ALDH1A2: variants seen among roughly 807,000 people sequenced by gnomAD.
The protein encoded by ALDH1A2 is retinal dehydrogenase 2.
In ALDH1A2, 27 loss-of-function variants were observed where a neutral mutation model predicts 60.3. That is an observed-to-expected ratio of 0.45 (90% CI 0.33 to 0.62). The LOEUF is 0.62. Ranked by LOEUF, ALDH1A2 falls within the 20% of genes least tolerant of loss-of-function variation. The pLI, the probability that ALDH1A2 is intolerant of heterozygous loss-of-function variation, is 0.02. For missense variants in ALDH1A2, 581 were observed against 643.8 expected (o/e 0.90, Z 1.06); for synonymous variants, 289 against 232.4 (o/e 1.24, Z -2.21).
chr15:57,960,525 C>T (rs1893683817), intron 12 of ALDH1A2, among the ~76,000 whole-genome samples: 1 of 152,194 alleles, frequency 6.6e-6, no homozygotes, highest in African/African-American at 2.4e-5. Context: ...TACTTCTAAT[C>T]ATAGCCTTTA....
At chr15:57,978,632 G>A (rs1278438145) in intron 7 of ALDH1A2, among the ~76,000 whole-genome samples, 1 of 152,150 alleles carries the variant, frequency 6.6e-6, no homozygotes, top group Admixed American at 6.5e-5. Flanking sequence ...CATGGAGCAG[G>A]GCCCCTGGGT....
At chr15:57,980,396 TG>T in intron 7 of ALDH1A2, 2 of 369,604 alleles carry the variant, frequency 5.4e-6, no homozygotes, top group South Asian at 2.6e-5. Flanking sequence ...GTTTTCCAGC[TG>T]GTGCCACTTC....
At chr15:58,032,872 G>A (rs1896280245) in intron 1 of ALDH1A2, among the ~76,000 whole-genome samples, 1 of 151,938 alleles carries the variant, frequency 6.6e-6, no homozygotes, top group African/African-American at 2.4e-5. Flanking sequence ...CATGTCATTT[G>A]CAGCAACGTA....
At chr15:58,006,394 C>A (rs184323453) in intron 4 of ALDH1A2, among the ~76,000 whole-genome samples, 1 of 151,948 alleles carries the variant, frequency 6.6e-6, no homozygotes, top group Non-Finnish European at 1.5e-5. Flanking sequence ...ATTTACCACA[C>A]CTTCTTTATC....
chr15:58,016,624 T>A (rs534711488), intron 1 of ALDH1A2, among the ~76,000 whole-genome samples: 1 of 152,236 alleles, frequency 6.6e-6, no homozygotes, highest in East Asian at 1.9e-4. Context: ...AGATGCATTA[T>A]AGGATCTAAG....
At chr15:58,015,242 C>A (rs189975260) in intron 1 of ALDH1A2, among the ~76,000 whole-genome samples, 1 of 152,096 alleles carries the variant, frequency 6.6e-6, no homozygotes, top group African/African-American at 2.4e-5. Flanking sequence ...TTATTTAGTG[C>A]CTGCCATTTA....
chr15:58,007,473 T>G (rs28453062), intron 4 of ALDH1A2, among the ~76,000 whole-genome samples: 4,124 of 152,038 alleles, frequency 0.027, 178 homozygotes, highest in African/African-American at 0.092. Context: ...GAACAACACT[T>G]AAGTTTGAAT....
chr15:57,966,321 G>C (rs1893896883), intron 7 of ALDH1A2, among the ~76,000 whole-genome samples: 1 of 152,150 alleles, frequency 6.6e-6, no homozygotes, highest in African/African-American at 2.4e-5. Context: ...CCTCTGCCTA[G>C]AGCTACAGTA....
At position 57,993,085 on chromosome 15, in the gene ALDH1A2, A is replaced by G; in HGVS notation, c.556-12T>C. 1.2e-6 allele frequency: 2 copies of G among 1,611,508 alleles called. No individual in the cohort carries two copies. The highest frequency in any genetic ancestry group is 2.7e-5 in the African/African-American group (2 of 74,994). On this transcript the variant is annotated splice_polypyrimidine_tract_variant and intron_variant, in intron 5 of 12. Transcript: ENST00000249750. ...AGGGGGAAGTTCCACTGAAAGGAAA[A>G]AACTCAAAGTTGATAGATGGAAAAA...
At chr15:58,059,867 GTAATAAAAA>G in intron 1 of ALDH1A2, among the ~76,000 whole-genome samples, 1 of 152,000 alleles carries the variant, frequency 6.6e-6, no homozygotes, top group South Asian at 2.1e-4. Context: ...CATAATAAAT[GTAATAAAAA>G]TAATTAAAAG....
At chr15:58,021,059 C>G (rs1187483053) in intron 1 of ALDH1A2, among the ~76,000 whole-genome samples, 1 of 152,148 alleles carries the variant, frequency 6.6e-6, no homozygotes. Context: ...GCTACCCAAG[C>G]CTTTCTCCAG....
At chr15:57,999,939 TTAACACAGGAAC>T (rs1895204711) in intron 4 of ALDH1A2, among the ~76,000 whole-genome samples, 2 of 151,930 alleles carry the variant, frequency 1.3e-5, no homozygotes, top group East Asian at 1.9e-4. Flanking sequence ...CTGGAAGCCA[TTAACACAGGAAC>T]TAACACAGGA....
chr15:58,042,092 C>T (rs535253000), intron 1 of ALDH1A2, among the ~76,000 whole-genome samples: 26 of 151,844 alleles, frequency 1.7e-4, no homozygotes, highest in Non-Finnish European at 3.8e-4. Flanking sequence ...AAGTCCCAAC[C>T]CCCTCTCAAA....
intron 1 of ALDH1A2, among the ~76,000 whole-genome samples, chr15:58,016,172 G>A (rs1471008830): frequency 7.2e-6 from 1 of 139,854 alleles, no homozygotes; most frequent in Non-Finnish European, 1.5e-5. Context: ...ACAGAGCCTT[G>A]ATCTGTCACC....
chr15:57,993,461 G>A (rs1387847430), intron 5 of ALDH1A2, among the ~76,000 whole-genome samples: 3 of 152,020 alleles, frequency 2.0e-5, no homozygotes, highest in African/African-American at 7.2e-5. Context: ...TTTCACACTG[G>A]TATGAAAGCT....
chr15:57,991,070 A>G (rs993079703), intron 7 of ALDH1A2, among the ~76,000 whole-genome samples: 1 of 152,096 alleles, frequency 6.6e-6, no homozygotes, highest in Non-Finnish European at 1.5e-5. Flanking sequence ...TCACACCCCT[A>G]AATTATTATT....
At chr15:57,979,531 G>T (rs1032462580) in intron 7 of ALDH1A2, among the ~76,000 whole-genome samples, 1 of 152,118 alleles carries the variant, frequency 6.6e-6, no homozygotes, top group Admixed American at 6.5e-5. Flanking sequence ...ACAGCCTGGT[G>T]GCTCATTCCT....
At chr15:58,064,192 G>A (rs1292060482) in intron 1 of ALDH1A2, among the ~76,000 whole-genome samples, 3 of 152,028 alleles carry the variant, frequency 2.0e-5, no homozygotes, top group Non-Finnish European at 4.4e-5. Context: ...TGCTTTCCCT[G>A]CTCGTTCCTA....
chr15:57,959,296 G>A (rs1021285647), intron 12 of ALDH1A2, among the ~76,000 whole-genome samples: 6 of 152,078 alleles, frequency 3.9e-5, no homozygotes, highest in Admixed American at 6.6e-5. Context: ...AATAAGAAGC[G>A]GAATGCATCT....
Sources: allele counts gnomAD v4.1 joint callset (sites outside exome capture counted in the v4.1 genomes callset), GRCh38; gene constraint gnomAD v4.1.1; transcripts MANE v1.5; gene names NCBI Gene and HGNC (gene_info 2026-07-23, HGNC 2026-07-21).